WNT8B: variants seen among roughly 807,000 people sequenced by gnomAD.
The protein encoded by WNT8B is protein Wnt-8b.
In WNT8B, 24 loss-of-function variants were observed where a neutral mutation model predicts 36.6. That is an observed-to-expected ratio of 0.66 (90% CI 0.48 to 0.92). The LOEUF (loss-of-function observed/expected upper bound fraction) is 0.92. WNT8B is among the 40% of genes least tolerant of loss of function. WNT8B has a pLI of 0.00. For synonymous variants in WNT8B, 199 were observed against 189.8 expected, an observed-to-expected ratio of 1.05 and a Z score of -0.40; for missense variants, 402 against 470.8, an observed-to-expected ratio of 0.85 and a Z score of 1.35.
Position 100,482,094 on chromosome 10 carries a change from A to C in WNT8B, c.510+40A>C, listed in dbSNP as rs527374186. On this transcript the variant is annotated intron_variant, in intron 5 of 5. Transcript: ENST00000343737. The surrounding 1 kb of genome is among the most constrained non-coding windows in gnomAD (Gnocchi z 6.6). ...CCTTGGAAATAGGCAGCTGCTGGCT[A>C]TATCCACTACCAGCTCCAGGTGCGG... 5.6e-6 allele frequency: 9 copies of C among 1,612,450 alleles called. No homozygotes were observed. The East Asian group carries it at 1.6e-4, about 28-fold the overall frequency.
intron 1 of WNT8B, among the ~76,000 whole-genome samples, chr10:100,477,784 G>GTTTTTTTTTGTT (rs1554840045): frequency 7.0e-6 from 1 of 143,126 alleles, no homozygotes. Context: ...GTTTTTTTTT[G>GTTTTTTTTTGTT]TTTTTTTTTT....
chr10:100,468,253 C>A (rs1156841383), intron 1 of WNT8B, among the ~76,000 whole-genome samples: 1 of 152,220 alleles, frequency 6.6e-6, no homozygotes, highest in Non-Finnish European at 1.5e-5. Context: ...TGTCAATTTT[C>A]CAACCTTAAG....
chr10:100,471,689 C>A (rs1379993193), intron 1 of WNT8B, among the ~76,000 whole-genome samples: 1 of 152,188 alleles, frequency 6.6e-6, no homozygotes. Flanking sequence ...AGTAGGACTG[C>A]CTAGGCTCCA....
At chr10:100,479,736 CA>C in intron 2 of WNT8B, 137 bp from the exon 3 acceptor site, 1 of 1,140,178 alleles carries the variant, frequency 8.8e-7, no homozygotes, top group Non-Finnish European at 1.2e-6. Flanking sequence ...TTTGTGATGT[CA>C]AATGAGACAG....
chr10:100,478,630 G>A (rs1851070859), intron 1 of WNT8B, among the ~76,000 whole-genome samples: 2 of 151,166 alleles, frequency 1.3e-5, no homozygotes, highest in Admixed American at 6.6e-5. Context: ...CGCCCAGGCT[G>A]GAGTGCAGTG....
rs990191306 is a variant in WNT8B at position 100,478,945 on chromosome 10, C to A, written c.69-107C>A. ...TCCTGGGTAAAACTAGTTTCCCTTT[C>A]TTCCTATTAATGACATGTGCTGAAG... On this transcript the variant is annotated intron_variant, in intron 1 of 5. Coordinates refer to ENST00000343737, the MANE Select transcript of WNT8B (RefSeq NM_003393.4). The A allele has an allele frequency of 4.2e-6, 4 of 959,148 alleles. No homozygotes were observed. The African/African-American group carries it at 6.7e-5, about 16-fold the overall frequency. 59.4% of individuals were successfully genotyped at this position (959,148 alleles called of 1,614,324 possible). A position where few individuals can be genotyped will look rare whatever the true frequency, so the allele number is the denominator to read the frequency against.
intron 1 of WNT8B, among the ~76,000 whole-genome samples, chr10:100,477,159 A>G (rs146921180): frequency 1.5e-3 from 226 of 152,270 alleles, no homozygotes; most frequent in African/African-American, 4.9e-3. Flanking sequence ...TATCCTTCTG[A>G]GACTGACTTT....
chr10:100,476,298 C>T (rs1038513993), intron 1 of WNT8B, among the ~76,000 whole-genome samples: 9 of 151,020 alleles, frequency 6.0e-5, no homozygotes, highest in Non-Finnish European at 8.8e-5. Flanking sequence ...AGTGAGACTC[C>T]GTCTAAAAAA....
chr10:100,475,499 T>C (rs118140129), intron 1 of WNT8B, among the ~76,000 whole-genome samples: 2,188 of 152,354 alleles, frequency 0.014, 27 homozygotes, highest in Non-Finnish European at 0.025. Context: ...CTGGATATCA[T>C]ACAAATCTTT....
At chr10:100,466,563 C>G (rs921099224) in intron 1 of WNT8B, among the ~76,000 whole-genome samples, 1 of 151,912 alleles carries the variant, frequency 6.6e-6, no homozygotes, top group South Asian at 2.1e-4. Flanking sequence ...TGTTATGAAA[C>G]CAGTTTGTGT....
At chr10:100,467,094 C>T (rs1015938573) in intron 1 of WNT8B, among the ~76,000 whole-genome samples, 6 of 152,054 alleles carry the variant, frequency 3.9e-5, no homozygotes, top group African/African-American at 1.5e-4. Context: ...ACCTGCACTC[C>T]CAGGACCTCT....
rs546608568 is a variant in WNT8B, at chr10:100,467,739, T to C, written c.68+4503T>C. On this transcript the variant is annotated intron_variant, in intron 1 of 5. Transcript: ENST00000343737. ...GATTATTGCTTTTCAGAATAATTGG[T>C]TTTGTTTTAAAATTTTCATACTATG... Among the ~76,000 whole-genome samples the C allele has an allele frequency of 5.3e-5, 8 of 152,302 alleles. 1 individual carries two copies. In the East Asian group the frequency reaches 1.2e-3, roughly 22 times the overall value.
intron 1 of WNT8B, 38 bp from the exon 2 acceptor site, chr10:100,479,014 G>C: frequency 6.4e-7 from 1 of 1,567,240 alleles, no homozygotes; most frequent in Non-Finnish European, 8.6e-7. Flanking sequence ...TGGTGTCTCT[G>C]CATTATATTC....
intron 1 of WNT8B, among the ~76,000 whole-genome samples, chr10:100,465,880 A>T (rs1850902707): frequency 6.6e-6 from 1 of 152,148 alleles, no homozygotes; most frequent in African/African-American, 2.4e-5. Flanking sequence ...GGAATCAGTT[A>T]TTGGAGGAAG....
chr10:100,469,654 G>A (rs1040077476), intron 1 of WNT8B, among the ~76,000 whole-genome samples: 7 of 152,234 alleles, frequency 4.6e-5, no homozygotes, highest in Non-Finnish European at 8.8e-5. Context: ...GGGGACCAAC[G>A]GGATATTATT....
At chr10:100,478,481 T>C (rs1032680316) in intron 1 of WNT8B, among the ~76,000 whole-genome samples, 1 of 152,204 alleles carries the variant, frequency 6.6e-6, no homozygotes, top group Admixed American at 6.5e-5. Flanking sequence ...ACCATCACTA[T>C]CAGGTATATG....
intron 2 of WNT8B, among the ~76,000 whole-genome samples, chr10:100,479,667 A>G (rs1303486226): frequency 6.6e-6 from 1 of 152,180 alleles, no homozygotes; most frequent in African/African-American, 2.4e-5. Context: ...AAATTACTTT[A>G]GCTCACTCCC....
intron 1 of WNT8B, 42 bp downstream of exon 1, chr10:100,463,278 G>C (rs1185222379): frequency 6.3e-7 from 1 of 1,578,544 alleles, no homozygotes; most frequent in Non-Finnish European, 8.7e-7. Context: ...GAATAGGTAA[G>C]TGTATGTAAT....
At chr10:100,465,449 T>A (rs1235420998) in intron 1 of WNT8B, among the ~76,000 whole-genome samples, 1 of 152,138 alleles carries the variant, frequency 6.6e-6, no homozygotes, top group Non-Finnish European at 1.5e-5. Context: ...CACTTACTCA[T>A]CTGGAATGAG....
Sources: allele counts gnomAD v4.1 joint callset (sites outside exome capture counted in the v4.1 genomes callset), GRCh38; gene constraint gnomAD v4.1.1; non-coding constraint Gnocchi (gnomAD v3.1); transcripts MANE v1.5; gene names NCBI Gene and HGNC (gene_info 2026-07-23, HGNC 2026-07-21).